ZBTB7B: variants seen among roughly 807,000 people sequenced by gnomAD.
ZBTB7B encodes the protein zinc finger and BTB domain containing 7B.
A neutral mutation model predicts 31.0 loss-of-function variants in ZBTB7B; 8 were observed. The ratio of observed to expected loss-of-function variants is 0.26; its 90% CI spans 0.15 to 0.47. The LOEUF (loss-of-function observed/expected upper bound fraction) is 0.47, where lower values mean the gene tolerates loss of function less well. Ranked by LOEUF, ZBTB7B falls within the 20% of genes least tolerant of loss-of-function variation. The probability of loss-of-function intolerance (pLI) is 0.99; values close to 1 mark genes in which losing one functional copy is unlikely to be tolerated. For missense variants in ZBTB7B, 494 were observed against 742.4 expected, an observed-to-expected ratio of 0.67 and a Z score of 3.89; for synonymous variants, 261 against 307.3, an observed-to-expected ratio of 0.85 and a Z score of 1.58.
At chr1:155,015,880 GGAA>G in intron 2 of ZBTB7B, 66 bp downstream of exon 2, 1 of 1,553,636 alleles carries the variant, frequency 6.4e-7, no homozygotes, top group Non-Finnish European at 8.7e-7. Flanking sequence ...GAGGAGATGG[GGAA>G]GAAGTTAGGA....
In ZBTB7B at chr1:155,016,169, C is replaced by T. The variant is rs1001880106; in HGVS notation, c.1155-51C>T. The T allele has an allele frequency of 3.2e-6, 5 of 1,563,766 alleles. No homozygotes were observed. In the African/African-American group the frequency reaches 5.4e-5, roughly 17 times the overall value. On this transcript the variant is annotated intron_variant, in intron 2 of 2. Coordinates refer to ENST00000535420, the MANE Select transcript of ZBTB7B (RefSeq NM_001256455.2). This position sits in a 1 kb window ranked among gnomAD's most constrained non-coding sequence, Gnocchi z 4.3. The stretch of plus-strand genomic sequence containing the variant: ...CCAGGGTGGGATGACCAGGAGGAGC[C>T]AGGGATCCCATCCTGAACACCTCCC...
At chr1:155,009,840 G>A (rs1658829256) in intron 1 of ZBTB7B, among the ~76,000 whole-genome samples, 1 of 152,112 alleles carries the variant, frequency 6.6e-6, no homozygotes, top group Non-Finnish European at 1.5e-5. Context: ...GGAGCAGGGG[G>A]CCAATGGAGA....
Position 155,003,474 on chromosome 1 carries a change from C to T in ZBTB7B, c.-7+531C>T, listed in dbSNP as rs1039095947. Among the ~76,000 whole-genome samples the T allele has an allele frequency of 6.6e-6, 1 of 152,104 alleles. No homozygotes were observed. Among genetic ancestry groups the T allele is most frequent in the African/African-American group, 2.4e-5 (1 of 41,422 alleles). ...GGGGAAAGTTACCGGCTGGACTATT[C>T]GGTTTCTTGCGCTTCCAGAGCCGCG... is the stretch of plus-strand genomic sequence containing the variant. On this transcript the variant is annotated intron_variant, in intron 1 of 2. Coordinates refer to ENST00000535420, the MANE Select transcript of ZBTB7B (RefSeq NM_001256455.2). The surrounding 1 kb of genome is among the most constrained non-coding windows in gnomAD (Gnocchi z 5.8).
chr1:155,010,965 C>G lies in ZBTB7B; in HGVS notation c.-6-3690C>G, dbSNP rs1428707212. 2.0e-6 allele frequency: 3 copies of G among 1,535,676 alleles called. No individual in the cohort carries two copies. In the African/African-American group the frequency reaches 4.1e-5, roughly 21 times the overall value. ...TCCTCCCTCACCCCAAGCTGCTGCT[C>G]CTGGAGAAGCCTGGCCAGGCCCCTC... On this transcript the variant is annotated intron_variant, in intron 1 of 2. Transcript: ENST00000535420.
rs1658379575 is a variant in ZBTB7B, at chr1:155,003,594, A to G, written c.-7+651A>G. Among the ~76,000 whole-genome samples the G allele has an allele frequency of 6.6e-6, 1 of 152,078 alleles. No individual in the cohort carries two copies. Reference sequence around the variant, plus strand: ...CCCCTCAATCCCACTCCCTTCCTTCAGGCTCCAGTCCCGCCGCTACCTTTT... The same window carrying G: ...CCCCTCAATCCCACTCCCTTCCTTCGGGCTCCAGTCCCGCCGCTACCTTTT... On this transcript the variant is annotated intron_variant, in intron 1 of 2. Coordinates refer to ENST00000535420, the MANE Select transcript of ZBTB7B (RefSeq NM_001256455.2). This position sits in a 1 kb window ranked among gnomAD's most constrained non-coding sequence, Gnocchi z 5.8.
At chr1:155,010,462 A>T (rs963401390) in intron 1 of ZBTB7B, 1 of 159,928 alleles carries the variant, frequency 6.3e-6, no homozygotes, top group Non-Finnish European at 1.4e-5. Flanking sequence ...GAAGGCATGC[A>T]CAAGCTTGGA....
At chr1:155,009,843 A>G (rs368429816) in intron 1 of ZBTB7B, among the ~76,000 whole-genome samples, 1 of 152,066 alleles carries the variant, frequency 6.6e-6, no homozygotes, top group Non-Finnish European at 1.5e-5. Context: ...GCAGGGGGCC[A>G]ATGGAGAAAG....
intron 1 of ZBTB7B, among the ~76,000 whole-genome samples, chr1:155,008,994 G>A (rs1405563062): frequency 1.3e-5 from 2 of 152,258 alleles, no homozygotes; most frequent in Admixed American, 6.5e-5. Flanking sequence ...CAGGTGAGTA[G>A]GCCCTGCTCT....
chr1:155,014,877 G>A lies in ZBTB7B; in HGVS notation c.217G>A (p.Gly73Arg). The change falls in exon 2 of 3, where the codon GGG becomes AGG. Residue 73 changes from glycine (G) to arginine (R), a missense_variant. Physicochemically the swap from Gly to Arg is moderately radical, Grantham distance 125 (BLOSUM62 -2). This residue lies in a region of ZBTB7B where 90 missense variants were observed against 143.2 expected (regional missense o/e 0.63). Transcript: ENST00000535420. Reference protein sequence around the residue: ...FTEGGGGAVMGAGGSGTATGG... With the variant: ...FTEGGGGAVMRAGGSGTATGG... Reference sequence around the variant, plus strand: ...TGAGGGCGGTGGCGGAGCTGTCATGGGGGCCGGGGGTAGCGGGACGGCCAC... The same window carrying A: ...TGAGGGCGGTGGCGGAGCTGTCATGAGGGCCGGGGGTAGCGGGACGGCCAC... 1 of 1,614,150 alleles carries A rather than the reference G, an allele frequency of 6.2e-7. No homozygotes were observed. Among genetic ancestry groups the A allele is most frequent in the Non-Finnish European group, 8.5e-7 (1 of 1,180,026 alleles).
In ZBTB7B at chr1:155,015,304, G is replaced by A. The variant is rs1659282664; in HGVS notation, c.644G>A (p.Arg215Lys). Reference sequence around the variant, plus strand: ...GCTTTCCTGCAAACCAAGGGGGCCAGAGCAAACCACCTAGTCCCTGAGGTG... The same window carrying A: ...GCTTTCCTGCAAACCAAGGGGGCCAAAGCAAACCACCTAGTCCCTGAGGTG... ...RKAFLQTKGA[R>K]ANHLVPEVPT... Residue 215 changes from arginine (R) to lysine (K), a missense_variant, in exon 2 of 3, where the codon AGA (arginine) becomes AAA (lysine). Arg to Lys is a conservative substitution (Grantham distance 26). Around this residue, in one of 5 missense-constraint regions of ZBTB7B, gnomAD observed 216 missense variants for 229.3 expected, o/e 0.94. Coordinates refer to ENST00000535420, the MANE Select transcript of ZBTB7B (RefSeq NM_001256455.2). 1 of 1,611,634 alleles carries A rather than the reference G, an allele frequency of 6.2e-7. No individual in the cohort carries two copies. The highest frequency in any genetic ancestry group is 2.2e-5 in the East Asian group (1 of 44,828).
chr1:155,004,346 A>T lies in ZBTB7B; in HGVS notation c.-7+1403A>T, dbSNP rs1398235805. Among the ~76,000 whole-genome samples the T allele has an allele frequency of 6.6e-6, 1 of 152,070 alleles. No homozygotes were observed. Among genetic ancestry groups the T allele is most frequent in the Non-Finnish European group, 1.5e-5 (1 of 67,992 alleles). ...CCTTCCCCCAACTTATTCCTGGAGGAGGGAGACCGCTTATCAGGGACGGGG... is the reference window on the plus strand; with the variant it reads ...CCTTCCCCCAACTTATTCCTGGAGGTGGGAGACCGCTTATCAGGGACGGGG... On this transcript the variant is annotated intron_variant, in intron 1 of 2. Coordinates refer to ENST00000535420, the MANE Select transcript of ZBTB7B (RefSeq NM_001256455.2). This position sits in a 1 kb window ranked among gnomAD's most constrained non-coding sequence, Gnocchi z 4.0.
At position 155,003,216 on chromosome 1, in the gene ZBTB7B, GA is replaced by G. The variant is rs1485764185; in HGVS notation, c.-7+274del. 6.6e-6 allele frequency among the ~76,000 whole-genome samples: 1 copy of G among 152,224 alleles called. No individual in the cohort carries two copies. The highest frequency in any genetic ancestry group is 2.4e-5 in the African/African-American group (1 of 41,464). ...TCTGCACTTCTCCTGGGATCAGACA[GA>G]CAGACGGCTTCGGGATGGAGAGGGG... On this transcript the variant is annotated intron_variant, in intron 1 of 2. Coordinates refer to ENST00000535420, the MANE Select transcript of ZBTB7B (RefSeq NM_001256455.2). This position sits in a 1 kb window ranked among gnomAD's most constrained non-coding sequence, Gnocchi z 5.8.
In ZBTB7B at chr1:155,004,321, C is replaced by T. The variant is rs1428474949; in HGVS notation, c.-7+1378C>T. Among the ~76,000 whole-genome samples, 1 of 152,170 alleles carries T rather than the reference C, an allele frequency of 6.6e-6. No individual in the cohort carries two copies. Among genetic ancestry groups the T allele is most frequent in the Non-Finnish European group, 1.5e-5 (1 of 68,024 alleles). On this transcript the variant is annotated intron_variant, in intron 1 of 2. Transcript: ENST00000535420. The surrounding 1 kb of genome is among the most constrained non-coding windows in gnomAD (Gnocchi z 4.0). ...GGAATGAGTCAGCGCAGCTATTCCC[C>T]CTTCCCCCAACTTATTCCTGGAGGA...
intron 2 of ZBTB7B, 107 bp downstream of exon 2, chr1:155,015,921 G>T: frequency 7.2e-7 from 1 of 1,394,850 alleles, no homozygotes; most frequent in Non-Finnish European, 9.7e-7. Flanking sequence ...GGTGGTCCTG[G>T]AGGGACTGGG....
intron 1 of ZBTB7B, among the ~76,000 whole-genome samples, chr1:155,011,260 C>T (rs1388720925): frequency 6.6e-6 from 1 of 152,254 alleles, no homozygotes; most frequent in Non-Finnish European, 1.5e-5. Flanking sequence ...CAGCCCTGCA[C>T]TGGACCCTGC....
In ZBTB7B at chr1:155,015,314, C is replaced by G. The variant is rs1571527946; in HGVS notation, c.654C>G (p.His218Gln). 1 of 1,608,820 alleles carries G rather than the reference C, an allele frequency of 6.2e-7. No individual in the cohort carries two copies. The highest frequency in any genetic ancestry group is 2.2e-5 in the East Asian group (1 of 44,756). ...AAACCAAGGGGGCCAGAGCAAACCACCTAGTCCCTGAGGTGCCCACAGTGC... is the reference window on the plus strand; with the variant it reads ...AAACCAAGGGGGCCAGAGCAAACCAGCTAGTCCCTGAGGTGCCCACAGTGC... ...FLQTKGARAN[H>Q]LVPEVPTVPA... Residue 218 changes from histidine (H) to glutamine (Q), a missense_variant, in exon 2 of 3, where the codon CAC (histidine) becomes CAG (glutamine). Coordinates refer to ENST00000535420, the MANE Select transcript of ZBTB7B (RefSeq NM_001256455.2).
rs929744208 is a variant in ZBTB7B at position 155,003,365 on chromosome 1, C to T, written c.-7+422C>T. On this transcript the variant is annotated intron_variant, in intron 1 of 2. Transcript: ENST00000535420. The surrounding 1 kb of genome is among the most constrained non-coding windows in gnomAD (Gnocchi z 5.8). ...TAACTAGGACAACGCGCACCCCCCC[C>T]CCACCCCGCGCCCCCTGGCGCGGTG... Among the ~76,000 whole-genome samples, 1,139 of 152,128 alleles carry T rather than the reference C, an allele frequency of 7.5e-3. 8 individuals are homozygous for T. The highest frequency in any genetic ancestry group is 0.026 in the African/African-American group (1,073 of 41,550).
intron 1 of ZBTB7B, among the ~76,000 whole-genome samples, chr1:155,006,222 G>A (rs1316321002): frequency 6.6e-6 from 1 of 152,180 alleles, no homozygotes; most frequent in Non-Finnish European, 1.5e-5. Flanking sequence ...ACCAGAGAGG[G>A]CTGCCCTCTT....
chr1:155,009,709 G>A (rs1414584174), intron 1 of ZBTB7B, among the ~76,000 whole-genome samples: 1 of 152,098 alleles, frequency 6.6e-6, no homozygotes, highest in Non-Finnish European at 1.5e-5. Context: ...TGGGGTGTGG[G>A]TGCCCTAAAC....
Sources: allele counts gnomAD v4.1 joint callset (sites outside exome capture counted in the v4.1 genomes callset), GRCh38; gene constraint gnomAD v4.1.1; regional missense constraint gnomAD v4.1.1; non-coding constraint Gnocchi (gnomAD v3.1); transcripts MANE v1.5; gene names NCBI Gene and HGNC (gene_info 2026-07-23, HGNC 2026-07-21).